Variants in ERBB4 observed in about 807,000 individuals in gnomAD.
The protein encoded by ERBB4 is receptor tyrosine-protein kinase erbB-4.
Under a neutral mutation model 158.0 loss-of-function variants are expected in ERBB4, and 42 were observed. That is an observed-to-expected ratio of 0.27 (90% CI 0.21 to 0.34). ERBB4 has a LOEUF of 0.34. Among genes scored for constraint, ERBB4 ranks in the 10% least tolerant of loss-of-function variants. The pLI is 1.00. For synonymous variants in ERBB4, 583 were observed against 558.7 expected, an observed-to-expected ratio of 1.04 and a Z score of -0.61; for missense variants, 1,333 against 1,624.1, an observed-to-expected ratio of 0.82 and a Z score of 3.08.
chr2:212,093,349 A>ATTAGAGAATTATT (rs1238441387), intron 2 of ERBB4, among the ~76,000 whole-genome samples: 1 of 152,230 alleles, frequency 6.6e-6, no homozygotes, highest in Non-Finnish European at 1.5e-5. Flanking sequence ...AGATTAAAAA[A>ATTAGAGAATTATT]TTAGAGAATT....
intron 1 of ERBB4, among the ~76,000 whole-genome samples, chr2:212,171,107 T>A (rs559040208): frequency 6.6e-6 from 1 of 152,136 alleles, no homozygotes; most frequent in East Asian, 1.9e-4. Flanking sequence ...AGCTGCCCAA[T>A]TTCATGGAAG....
At position 211,976,296 on chromosome 2, in the gene ERBB4, T is replaced by A. The variant is rs143667491; in HGVS notation, c.235-28680A>T. Reference sequence around the variant, plus strand: ...GATACCTGAGGCCAAATTTACTTAATTGTTCAGTGATAAAGACTGTGTTTA... The same window carrying A: ...GATACCTGAGGCCAAATTTACTTAAATGTTCAGTGATAAAGACTGTGTTTA... On this transcript the variant is annotated intron_variant, in intron 2 of 27. Transcript: ENST00000342788. Among the ~76,000 whole-genome samples the A allele has an allele frequency of 4.0e-3, 602 of 152,320 alleles. 6 individuals are homozygous for A. Among genetic ancestry groups the A allele is most frequent in the African/African-American group, 0.014 (562 of 41,594 alleles).
chr2:212,193,211 T>G (rs1265046427), intron 1 of ERBB4, among the ~76,000 whole-genome samples: 1 of 152,142 alleles, frequency 6.6e-6, no homozygotes, highest in East Asian at 1.9e-4. Flanking sequence ...TCCCAACTAA[T>G]TTGCCATCTT....
intron 1 of ERBB4, among the ~76,000 whole-genome samples, chr2:212,130,160 A>T (rs1462018610): frequency 7.9e-5 from 12 of 152,148 alleles, no homozygotes; most frequent in Admixed American, 7.9e-4. Context: ...AGTTTAACAA[A>T]ATTCAGCCAC....
Position 211,386,997 on chromosome 2 carries a change from T to G in ERBB4, c.3337A>C (p.Lys1113Gln). The change falls in exon 27 of 28, where the codon AAG (lysine) becomes CAG (glutamine). Residue 1113 changes from lysine (K) to glutamine (Q), a missense_variant. By Grantham distance (53) the Lys-to-Gln change is moderately conservative (BLOSUM62 1). Around this residue, in one of 5 missense-constraint regions of ERBB4, gnomAD observed 252 missense variants for 241.3 expected, o/e 1.04. Coordinates refer to ENST00000342788, the MANE Select transcript of ERBB4 (RefSeq NM_005235.3). ...DDSCCNGTLR[K>Q]PVAPHVQEDS... The stretch of plus-strand genomic sequence containing the variant: ...TCTTGGACATGGGGTGCCACTGGCT[T>G]GCGTAGGGTGCCATTACAGCAGGAG... The G allele has an allele frequency of 6.2e-7, 1 of 1,614,100 alleles. No homozygotes were observed. The highest frequency in any genetic ancestry group is 8.5e-7 in the Non-Finnish European group (1 of 1,180,008).
At chr2:211,935,779 TTCTG>T (rs1196978684) in intron 3 of ERBB4, among the ~76,000 whole-genome samples, 2 of 152,194 alleles carry the variant, frequency 1.3e-5, no homozygotes, top group East Asian at 3.8e-4. Flanking sequence ...ATCCTATTGG[TTCTG>T]TCTTTCTGGA....
intron 12 of ERBB4, among the ~76,000 whole-genome samples, chr2:211,681,276 T>C (rs2072321634): frequency 2.0e-5 from 3 of 152,172 alleles, no homozygotes; most frequent in Non-Finnish European, 4.4e-5. Context: ...ATTTAGACTG[T>C]TCCATTTTGG....
At chr2:212,379,819 ATG>A (rs899320189) in intron 1 of ERBB4, among the ~76,000 whole-genome samples, 10 of 148,904 alleles carry the variant, frequency 6.7e-5, no homozygotes, top group African/African-American at 2.2e-4. Flanking sequence ...GTGTGTGTGT[ATG>A]TGTGTGTGTG....
rs59197841 is a variant in ERBB4, at chr2:211,376,614, C to T, written c.*7001G>A. The T allele has an allele frequency of 0.064, 14,911 of 232,700 alleles. 1,687 individuals are homozygous for T. The highest frequency in any genetic ancestry group is 0.27 in the African/African-American group (12,046 of 45,286). The allele number at this position is 232,700 out of a possible 1,614,324, so 14.4% of individuals were successfully genotyped here. On this transcript the variant is annotated 3_prime_UTR_variant, in exon 28 of 28. Coordinates refer to ENST00000342788, the MANE Select transcript of ERBB4 (RefSeq NM_005235.3). ...ATAAGGAAGTGAGTACAAATGTATA[C>T]ACCTTAAGCCTCTGCCTTTTCAGTA...
intron 3 of ERBB4, among the ~76,000 whole-genome samples, chr2:211,850,578 A>G (rs1196235261): frequency 6.6e-6 from 1 of 151,894 alleles, no homozygotes; most frequent in Admixed American, 6.6e-5. Flanking sequence ...TGGGATAACT[A>G]GAGAAGATAT....
intron 3 of ERBB4, among the ~76,000 whole-genome samples, chr2:211,810,834 G>A (rs1389056624): frequency 6.6e-6 from 1 of 151,616 alleles, no homozygotes; most frequent in Non-Finnish European, 1.5e-5. Context: ...CACCGCGCCC[G>A]GCTAATTTTT....
At chr2:212,273,263 T>A (rs2085408017) in intron 1 of ERBB4, among the ~76,000 whole-genome samples, 1 of 151,828 alleles carries the variant, frequency 6.6e-6, no homozygotes, top group African/African-American at 2.4e-5. Flanking sequence ...AAACTGTGTT[T>A]TTTATTATCC....
chr2:211,980,070 A>ATGAGGT (rs1283281225), intron 2 of ERBB4, among the ~76,000 whole-genome samples: 2 of 152,186 alleles, frequency 1.3e-5, no homozygotes, highest in Non-Finnish European at 2.9e-5. Flanking sequence ...CTAAGATATA[A>ATGAGGT]TGAGGTCATT....
chr2:211,672,587 A>G (rs6760331), intron 14 of ERBB4, among the ~76,000 whole-genome samples: 1,937 of 152,302 alleles, frequency 0.013, 52 homozygotes, highest in African/African-American at 0.044. Flanking sequence ...GTTTATGAGT[A>G]CTTGTCTCCT....
At chr2:211,791,320 C>T (rs1160239583) in intron 3 of ERBB4, among the ~76,000 whole-genome samples, 2 of 151,784 alleles carry the variant, frequency 1.3e-5, no homozygotes, top group African/African-American at 4.8e-5. Context: ...TGGTGACACA[C>T]AAGAATAACA....
chr2:212,316,666 T>C (rs2106252222), intron 1 of ERBB4, among the ~76,000 whole-genome samples: 1 of 151,582 alleles, frequency 6.6e-6, no homozygotes, highest in East Asian at 2.0e-4. Flanking sequence ...ATTGCTTGTT[T>C]AGATGTATGG....
intron 2 of ERBB4, among the ~76,000 whole-genome samples, chr2:211,957,410 C>A (rs1346904859): frequency 1.3e-5 from 2 of 152,102 alleles, no homozygotes; most frequent in Non-Finnish European, 2.9e-5. Context: ...TCTCATACTT[C>A]CAGCTCCAGA....
intron 1 of ERBB4, among the ~76,000 whole-genome samples, chr2:212,355,936 A>C (rs2089447219): frequency 6.6e-6 from 1 of 151,954 alleles, no homozygotes; most frequent in Non-Finnish European, 1.5e-5. Flanking sequence ...TGTCATTTGT[A>C]AGGGTAAATT....
At chr2:212,440,072 A>G (rs1417030287) in intron 1 of ERBB4, among the ~76,000 whole-genome samples, 1 of 152,252 alleles carries the variant, frequency 6.6e-6, no homozygotes, top group Admixed American at 6.5e-5. Flanking sequence ...GATAGTAACA[A>G]TACCATCACT....
Sources: allele counts gnomAD v4.1 joint callset (sites outside exome capture counted in the v4.1 genomes callset), GRCh38; gene constraint gnomAD v4.1.1; regional missense constraint gnomAD v4.1.1; transcripts MANE v1.5; gene names NCBI Gene and HGNC (gene_info 2026-07-23, HGNC 2026-07-21).